PLSCR2: variants seen among roughly 807,000 people sequenced by gnomAD.
PLSCR2 encodes the protein phospholipid scramblase 2.
PLSCR2 carries 18 observed loss-of-function variants against 25.3 expected under a neutral mutation model. The ratio of observed to expected loss-of-function variants is 0.71; its 90% CI spans 0.49 to 1.06. The LOEUF (loss-of-function observed/expected upper bound fraction) is 1.06. PLSCR2 is among the 50% of genes least tolerant of loss of function. PLSCR2 has a pLI of 0.00. For missense variants in PLSCR2, 243 were observed against 269.5 expected (o/e 0.90, Z 0.69); for synonymous variants, 88 against 87.3 (o/e 1.01, Z -0.04).
chr3:146,462,039 C>T (rs1294587360), upstream of PLSCR2: 4 of 607,582 alleles, frequency 6.6e-6, no homozygotes, highest in Non-Finnish European at 1.1e-5. Context: ...AAATTACTTA[C>T]TTTTATTGTT....
chr3:146,458,519 T>C (rs1040458418), intron 2 of PLSCR2, 66 bp from the exon 3 acceptor site: 4 of 1,150,080 alleles, frequency 3.5e-6, no homozygotes, highest in Non-Finnish European at 4.7e-6. Context: ...TTACTATTCA[T>C]GTTTTTATTT....
At chr3:146,454,620 A>G (rs1314754313) in intron 4 of PLSCR2, among the ~76,000 whole-genome samples, 1 of 152,088 alleles carries the variant, frequency 6.6e-6, no homozygotes, top group Non-Finnish European at 1.5e-5. Flanking sequence ...ACATCTCTGA[A>G]CCCTACTGTC....
At position 146,453,939 on chromosome 3, in the gene PLSCR2, T is replaced by A. The variant is rs1396929018; in HGVS notation, c.483+63A>T. On this transcript the variant is annotated intron_variant, in intron 5 of 6. Transcript: ENST00000610787. Reference sequence around the variant, plus strand: ...ATACTAATTTAAGGCATTCATAATATTCTGCAAAATTATATTCTTCTATTA... The same window carrying A: ...ATACTAATTTAAGGCATTCATAATAATCTGCAAAATTATATTCTTCTATTA... 9 of 1,321,302 alleles carry A rather than the reference T, an allele frequency of 6.8e-6. No individual in the cohort carries two copies. The Admixed American group carries it at 2.0e-4, about 29-fold the overall frequency. The allele number at this position is 1,321,302 out of a possible 1,614,324, so 81.8% of individuals were successfully genotyped here.
At chr3:146,459,583 A>G (rs797015154) in intron 2 of PLSCR2, among the ~76,000 whole-genome samples, 4 of 152,326 alleles carry the variant, frequency 2.6e-5, no homozygotes, top group African/African-American at 9.6e-5. Flanking sequence ...AATAGTGCCT[A>G]ATAAATGTTT....
chr3:146,453,917 C>T (rs1467270653), intron 5 of PLSCR2, 85 bp downstream of exon 5: 13 of 1,106,178 alleles, frequency 1.2e-5, no homozygotes, highest in Non-Finnish European at 1.7e-5. Context: ...GTACACAATA[C>T]TAATTTAAGG....
intron 1 of PLSCR2, among the ~76,000 whole-genome samples, chr3:146,481,745 G>A (rs920922797): frequency 6.6e-6 from 1 of 152,032 alleles, no homozygotes; most frequent in African/African-American, 2.4e-5. Context: ...AGTTCATATG[G>A]AACCAAAAAA....
In PLSCR2 at chr3:146,423,281, CT is replaced by C. The variant is rs879293137; in HGVS notation, c.101-27361del. ...TCTCTCTCTCTCTCTCTCTCTCTCT[CT>C]CCCTGGCTAGATTCTCACAAGAAAC... On this transcript the variant is annotated intron_variant and NMD_transcript_variant, in intron 2 of 3. Transcript: ENST00000463633. Among the ~76,000 whole-genome samples the C allele has an allele frequency of 7.8e-3, 1,039 of 132,614 alleles. 77 individuals carry two copies. Among genetic ancestry groups the C allele is most frequent in the Non-Finnish European group, 0.01 (644 of 62,592 alleles). The allele number at this position is 132,614 out of a possible 152,430, so 87.0% of individuals were successfully genotyped here.
At chr3:146,445,490 TTCTGACCTGAGAAG>T (rs1189981814) in intron 6 of PLSCR2, among the ~76,000 whole-genome samples, 1 of 152,090 alleles carries the variant, frequency 6.6e-6, no homozygotes, top group Non-Finnish European at 1.5e-5. Flanking sequence ...AGCCACTCTC[TTCTGACCTGAGAAG>T]TCTGCTGCCA....
chr3:146,424,482 T>C (rs1417287541), intron 2 of PLSCR2, among the ~76,000 whole-genome samples: 1 of 152,110 alleles, frequency 6.6e-6, no homozygotes, highest in Middle Eastern at 3.2e-3. Flanking sequence ...CCTCAGAAAT[T>C]ATAAGACAAT....
At chr3:146,467,806 G>C (rs1254648952) in intron 1 of PLSCR2, among the ~76,000 whole-genome samples, 1 of 152,152 alleles carries the variant, frequency 6.6e-6, no homozygotes, top group Non-Finnish European at 1.5e-5. Flanking sequence ...AGGCCATAGG[G>C]ATGTATGAGG....
In PLSCR2 at chr3:146,418,718, A is replaced by G. The variant is rs183355074; in HGVS notation, c.101-22797T>C. Reference sequence around the variant, plus strand: ...ATCATTCTTCATTTTTCTTAAGGGGAAGCATGTGTTTTCAGCTGAGTAATG... The same window carrying G: ...ATCATTCTTCATTTTTCTTAAGGGGGAGCATGTGTTTTCAGCTGAGTAATG... On this transcript the variant is annotated intron_variant and NMD_transcript_variant, in intron 2 of 3. Transcript: ENST00000463633. Among the ~76,000 whole-genome samples, 7 of 152,170 alleles carry G rather than the reference A, an allele frequency of 4.6e-5. No homozygotes were observed. In the East Asian group the frequency reaches 1.4e-3, roughly 29 times the overall value.
At position 146,476,220 on chromosome 3, in the gene PLSCR2, T is replaced by C. The variant is rs570395236; in HGVS notation, c.-292-15936A>G. On this transcript the variant is annotated intron_variant, in intron 1 of 8. Transcript: ENST00000336685. ...ACCCTCAGGTTCTATCAGGACTGAC[T>C]AGGCAGTTGGTGTGACTCACAGAGA... Among the ~76,000 whole-genome samples the C allele has an allele frequency of 1.1e-3, 161 of 151,726 alleles. 1 individual carries two copies. Among genetic ancestry groups the C allele is most frequent in the Non-Finnish European group, 2.1e-3 (143 of 68,000 alleles).
downstream of PLSCR2, among the ~76,000 whole-genome samples, chr3:146,433,091 A>AT (rs2039612275): frequency 6.6e-6 from 1 of 152,068 alleles, no homozygotes; most frequent in South Asian, 2.1e-4. Flanking sequence ...TCCAAAACCT[A>AT]TTTTTTAATT....
chr3:146,412,746 T>G (rs2038896591), intron 2 of PLSCR2, among the ~76,000 whole-genome samples: 1 of 152,180 alleles, frequency 6.6e-6, no homozygotes, highest in Non-Finnish European at 1.5e-5. Context: ...TAGCCCCTAC[T>G]GCTGTGTCGT....
At chr3:146,494,718 T>G (rs2043685542) in intron 1 of PLSCR2, 1 of 152,208 alleles carries the variant, frequency 6.6e-6, no homozygotes, top group Admixed American at 6.5e-5. Flanking sequence ...CAAAGAATAG[T>G]AATAATCACA....
chr3:146,444,502 T>C (rs1484585250), intron 6 of PLSCR2, among the ~76,000 whole-genome samples: 1 of 152,026 alleles, frequency 6.6e-6, no homozygotes, highest in Non-Finnish European at 1.5e-5. Context: ...TTGACCCCTG[T>C]ATCATTACAT....
upstream of PLSCR2, chr3:146,462,028 T>C: frequency 1.6e-6 from 1 of 643,568 alleles, no homozygotes; most frequent in Non-Finnish European, 2.5e-6. Flanking sequence ...AAACACTTAG[T>C]AAATTACTTA....
chr3:146,439,394 C>T (rs142144867), downstream of PLSCR2, among the ~76,000 whole-genome samples: 293 of 152,302 alleles, frequency 1.9e-3, 1 homozygote, highest in African/African-American at 6.7e-3. Context: ...CCATTCTCCC[C>T]GTCACTTTCA....
intron 2 of PLSCR2, among the ~76,000 whole-genome samples, chr3:146,410,013 C>T (rs1014616748): frequency 2.6e-5 from 4 of 152,078 alleles, no homozygotes; most frequent in Non-Finnish European, 4.4e-5. Context: ...GTTTTCCCTT[C>T]TCATTTTCCT....
Sources: allele counts gnomAD v4.1 joint callset (sites outside exome capture counted in the v4.1 genomes callset), GRCh38; gene constraint gnomAD v4.1.1; transcripts MANE v1.5; gene names NCBI Gene and HGNC (gene_info 2026-07-23, HGNC 2026-07-21).